The following NOS1AP variants were observed in gnomAD, a reference collection of about 807,000 sequenced individuals.
NOS1AP encodes the protein nitric oxide synthase 1 adaptor protein, also known as carboxyl-terminal PDZ ligand of neuronal nitric oxide synthase protein.
NOS1AP carries 21 observed loss-of-function variants against 56.2 expected under a neutral mutation model. That is an observed-to-expected ratio of 0.37 (90% confidence interval 0.26 to 0.54). NOS1AP has a LOEUF of 0.54. NOS1AP is among the 20% of genes least tolerant of loss of function. The probability of loss-of-function intolerance (pLI) is 0.84; values close to 1 mark genes in which losing one functional copy is unlikely to be tolerated. For missense variants in NOS1AP, 522 were observed against 657.8 expected (o/e 0.79, Z 2.26); for synonymous variants, 270 against 274.6 (o/e 0.98, Z 0.17).
At chr1:162,219,738 T>G (rs1172374140) in intron 2 of NOS1AP, among the ~76,000 whole-genome samples, 3 of 152,192 alleles carry the variant, frequency 2.0e-5, no homozygotes, top group Non-Finnish European at 4.4e-5. Context: ...GTAATTATGC[T>G]TTAGGTTTTA....
intron 4 of NOS1AP, among the ~76,000 whole-genome samples, chr1:162,327,449 G>A (rs532120067): frequency 6.6e-6 from 1 of 152,092 alleles, no homozygotes; most frequent in Non-Finnish European, 1.5e-5. Context: ...TTTAGAAAGG[G>A]GGCAAACCTG....
chr1:162,351,957 G>A (rs75891736), intron 6 of NOS1AP, among the ~76,000 whole-genome samples: 1,754 of 152,158 alleles, frequency 0.012, 27 homozygotes, highest in South Asian at 0.046. Context: ...GCTCAGCCCC[G>A]GGAATGAAGT....
At chr1:162,131,606 G>T (rs1437484037) in intron 1 of NOS1AP, among the ~76,000 whole-genome samples, 1 of 152,018 alleles carries the variant, frequency 6.6e-6, no homozygotes, top group Non-Finnish European at 1.5e-5. Context: ...TCCTTGCAGG[G>T]ACATTTCCCT....
At chr1:162,364,521 A>G (rs1478443559) in intron 8 of NOS1AP, 1 of 985,354 alleles carries the variant, frequency 1.0e-6, no homozygotes, top group Non-Finnish European at 1.2e-6. Flanking sequence ...AGTATTGCTC[A>G]CCAAGAACAG....
chr1:162,196,887 G>A lies in NOS1AP; in HGVS notation c.177+42411G>A, dbSNP rs117553006. 3.9e-4 allele frequency among the ~76,000 whole-genome samples: 59 copies of A among 152,276 alleles called. 1 individual carries two copies. The East Asian group carries it at 0.011, about 28-fold the overall frequency. ...AGAGTAGAGTAGGGCTGGAGGCCCC[G>A]CTATGGTTTTTGTCCCTCTTCTCTT... On this transcript the variant is annotated intron_variant, in intron 2 of 9. Transcript: ENST00000361897.
chr1:162,083,873 T>C (rs1691945908), intron 1 of NOS1AP, among the ~76,000 whole-genome samples: 1 of 152,208 alleles, frequency 6.6e-6, no homozygotes, highest in African/African-American at 2.4e-5. Context: ...GTGATTCTGA[T>C]GAACACTTCA....
At chr1:162,365,935 G>A (rs1420857289) in intron 9 of NOS1AP, among the ~76,000 whole-genome samples, 2 of 152,136 alleles carry the variant, frequency 1.3e-5, no homozygotes, top group African/African-American at 4.8e-5. Flanking sequence ...CACCTATTGG[G>A]TGTCATGGTC....
At chr1:162,273,256 C>T (rs1166358112) in intron 2 of NOS1AP, among the ~76,000 whole-genome samples, 2 of 151,194 alleles carry the variant, frequency 1.3e-5, no homozygotes, top group South Asian at 2.1e-4. Flanking sequence ...CTCCGCCTCC[C>T]GGGTTCACGC....
chr1:162,287,989 C>T (rs1436657544), intron 3 of NOS1AP, among the ~76,000 whole-genome samples: 1 of 152,024 alleles, frequency 6.6e-6, no homozygotes. Flanking sequence ...GTGGCCAGGT[C>T]GGGAGGATGG....
intron 4 of NOS1AP, among the ~76,000 whole-genome samples, chr1:162,327,939 T>C (rs1222827162): frequency 2.0e-5 from 3 of 152,248 alleles, no homozygotes; most frequent in Non-Finnish European, 4.4e-5. Flanking sequence ...ATGTGGTATG[T>C]GTGTTTTAAT....
chr1:162,277,784 C>T (rs1654789690), intron 2 of NOS1AP, among the ~76,000 whole-genome samples: 1 of 152,154 alleles, frequency 6.6e-6, no homozygotes, highest in African/African-American at 2.4e-5. Flanking sequence ...AACATTGCTA[C>T]CTTTTCCAGG....
At chr1:162,151,587 C>A (rs1472822820) in intron 1 of NOS1AP, among the ~76,000 whole-genome samples, 1 of 152,066 alleles carries the variant, frequency 6.6e-6, no homozygotes, top group Non-Finnish European at 1.5e-5. Flanking sequence ...TTGTATAGTA[C>A]AGACACTTTA....
At chr1:162,315,178 T>C (rs955474736) in intron 4 of NOS1AP, among the ~76,000 whole-genome samples, 2 of 152,214 alleles carry the variant, frequency 1.3e-5, no homozygotes, top group Non-Finnish European at 2.9e-5. Context: ...GTAAGGACCA[T>C]GTGAAGGCCT....
chr1:162,098,077 T>G (rs2102028411), intron 1 of NOS1AP, among the ~76,000 whole-genome samples: 1 of 151,322 alleles, frequency 6.6e-6, no homozygotes, highest in South Asian at 2.1e-4. Flanking sequence ...AAGCTTTTAT[T>G]TATAATAGTT....
At chr1:162,334,803 C>G (rs572155622) in intron 5 of NOS1AP, among the ~76,000 whole-genome samples, 3 of 152,170 alleles carry the variant, frequency 2.0e-5, no homozygotes, top group Non-Finnish European at 4.4e-5. Flanking sequence ...ATGTAACTTT[C>G]ACTTCCCAAT....
chr1:162,277,359 C>T (rs1338863363), intron 2 of NOS1AP, among the ~76,000 whole-genome samples: 10 of 152,154 alleles, frequency 6.6e-5, no homozygotes, highest in African/African-American at 2.4e-4. Context: ...TTATTTTCCT[C>T]CTCCTTCTCA....
At chr1:162,157,772 G>A (rs965275363) in intron 2 of NOS1AP, among the ~76,000 whole-genome samples, 1 of 152,342 alleles carries the variant, frequency 6.6e-6, no homozygotes, top group South Asian at 2.1e-4. Flanking sequence ...TCTGTGTGAT[G>A]TGCCCCATTC....
intron 1 of NOS1AP, among the ~76,000 whole-genome samples, chr1:162,101,631 G>A (rs1299751694): frequency 3.9e-5 from 6 of 152,090 alleles, no homozygotes; most frequent in South Asian, 4.1e-4. Flanking sequence ...AGTTGTTTGC[G>A]GTTCCCCTTG....
chr1:162,292,131 A>G (rs1655299646), intron 3 of NOS1AP, among the ~76,000 whole-genome samples: 1 of 152,248 alleles, frequency 6.6e-6, no homozygotes. Flanking sequence ...AAGGATCTGC[A>G]TAGGTTACAT....
Sources: gnomAD v4.1 joint callset for allele counts (sites outside exome capture counted in the v4.1 genomes callset) on GRCh38, gnomAD v4.1.1 for gene constraint, MANE v1.5 for transcripts, NCBI Gene and HGNC (gene_info 2026-07-23, HGNC 2026-07-21) for gene names.